AXDND1: variants seen among roughly 807,000 people sequenced by gnomAD.
AXDND1 encodes the protein axonemal dynein light chain domain-containing protein 1.
A neutral mutation model predicts 137.5 loss-of-function variants in AXDND1; 110 were observed. That is an observed-to-expected ratio of 0.80 (90% CI 0.69 to 0.94). AXDND1 has a LOEUF of 0.94. AXDND1 is among the 40% of genes least tolerant of loss of function. The probability of loss-of-function intolerance (pLI) is 0.00; values close to 1 mark genes in which losing one functional copy is unlikely to be tolerated. For synonymous variants in AXDND1, 414 were observed against 399.7 expected (o/e 1.04, Z -0.43); for missense variants, 1,191 against 1,169.8 (o/e 1.02, Z -0.26).
chr1:179,437,069 G>GAAAAAAAAAAAAA (rs35702478), intron 15 of AXDND1, among the ~76,000 whole-genome samples: 1 of 100,806 alleles, frequency 9.9e-6, no homozygotes, highest in Non-Finnish European at 2.0e-5. Context: ...GACACTCACT[G>GAAAAAAAAAAAAA]AAAAAAAAAA....
chr1:179,371,414 C>T (rs957976369), intron 4 of AXDND1, among the ~76,000 whole-genome samples: 2 of 152,014 alleles, frequency 1.3e-5, no homozygotes, highest in African/African-American at 2.4e-5. Context: ...GGCGACCCAG[C>T]GAGACTCCCT....
chr1:179,382,112 C>T lies in AXDND1; in HGVS notation c.582-588C>T, dbSNP rs190328771. Among the ~76,000 whole-genome samples, 941 of 150,712 alleles carry T rather than the reference C, an allele frequency of 6.2e-3. 11 individuals are homozygous for T. The highest frequency in any genetic ancestry group is 0.022 in the African/African-American group (898 of 41,000). ...TTTTTATTTTTTTGAGACAGAGTCTCGCTCTGTCATGGGTGGAGTGCAGTG... is the reference window on the plus strand; with the variant it reads ...TTTTTATTTTTTTGAGACAGAGTCTTGCTCTGTCATGGGTGGAGTGCAGTG... On this transcript the variant is annotated intron_variant, in intron 6 of 25. Transcript: ENST00000367618.
At chr1:179,438,564 C>T (rs879876082) in intron 15 of AXDND1, among the ~76,000 whole-genome samples, 7 of 152,142 alleles carry the variant, frequency 4.6e-5, no homozygotes, top group African/African-American at 1.4e-4. Flanking sequence ...ATGCTTAAGG[C>T]TCTAGGACAC....
intron 16 of AXDND1, among the ~76,000 whole-genome samples, chr1:179,461,907 CTT>C (rs1465991769): frequency 1.3e-5 from 2 of 152,154 alleles, no homozygotes; most frequent in African/African-American, 2.4e-5. Flanking sequence ...TATCCTGAGA[CTT>C]TGCTGAAGTT....
At chr1:179,388,973 A>ATTTTTTTTTTTTTTTTTTTTTTTTT (rs200417239) in intron 9 of AXDND1, among the ~76,000 whole-genome samples, 1 of 76,532 alleles carries the variant, frequency 1.3e-5, no homozygotes, top group South Asian at 3.8e-4. Context: ...TCATTTTTAG[A>ATTTTTTTTTTTTTTTTTTTTTTTTT]TTCTTTTTTT....
At chr1:179,410,340 C>G (rs1436629298) in intron 11 of AXDND1, among the ~76,000 whole-genome samples, 1 of 152,092 alleles carries the variant, frequency 6.6e-6, no homozygotes, top group Non-Finnish European at 1.5e-5. Context: ...AAGCAATTCT[C>G]CTGCCTCAGC....
At chr1:179,397,373 C>T (rs1651226110) in intron 11 of AXDND1, among the ~76,000 whole-genome samples, 1 of 151,982 alleles carries the variant, frequency 6.6e-6, no homozygotes, top group Non-Finnish European at 1.5e-5. Context: ...TGATGGGCTT[C>T]CTTTTGTAGG....
intron 16 of AXDND1, chr1:179,456,971 C>G: frequency 6.4e-7 from 1 of 1,554,860 alleles, no homozygotes; most frequent in Non-Finnish European, 8.8e-7. Context: ...AAAATAATCT[C>G]TTAGGTGATG....
At chr1:179,520,703 A>G (rs1037220595) in intron 21 of AXDND1, among the ~76,000 whole-genome samples, 1 of 151,884 alleles carries the variant, frequency 6.6e-6, no homozygotes, top group Non-Finnish European at 1.5e-5. Context: ...ATCCAAGAAT[A>G]TGGAATATAG....
chr1:179,537,491 A>G (rs1671667194), intron 25 of AXDND1, among the ~76,000 whole-genome samples: 1 of 152,178 alleles, frequency 6.6e-6, no homozygotes, highest in Admixed American at 6.5e-5. Flanking sequence ...TTGATGGATT[A>G]CGTTTATTGA....
At position 179,482,996 on chromosome 1, in the gene AXDND1, C is replaced by G. The variant is rs1398395681; in HGVS notation, c.1998-132C>G. On this transcript the variant is annotated intron_variant, in intron 17 of 25. Transcript: ENST00000367618. ...AATTCAGGGCTTTGATTCCCCTTTC[C>G]TCAGTTCTCAAGCAGTTGTCAACAT... The G allele has an allele frequency of 2.9e-5, 15 of 523,860 alleles. No individual in the cohort carries two copies. In the Admixed American group the frequency reaches 5.8e-4, roughly 20 times the overall value. 32.5% of individuals were successfully genotyped at this position (523,860 alleles called of 1,614,324 possible).
chr1:179,537,939 G>C (rs1009175632), intron 25 of AXDND1, among the ~76,000 whole-genome samples: 1 of 152,100 alleles, frequency 6.6e-6, no homozygotes, highest in Non-Finnish European at 1.5e-5. Context: ...ATGTGTCCAG[G>C]AATTTATCCA....
intron 11 of AXDND1, among the ~76,000 whole-genome samples, chr1:179,405,689 A>G (rs1380202616): frequency 6.7e-6 from 1 of 149,764 alleles, no homozygotes; most frequent in African/African-American, 2.4e-5. Flanking sequence ...ATTATATTTC[A>G]GTGGTATCAG....
chr1:179,506,273 A>C (rs1341669331), intron 20 of AXDND1, among the ~76,000 whole-genome samples: 1 of 152,152 alleles, frequency 6.6e-6, no homozygotes, highest in Non-Finnish European at 1.5e-5. Flanking sequence ...AGGGCCTCTG[A>C]GATATCCTTC....
intron 20 of AXDND1, among the ~76,000 whole-genome samples, chr1:179,493,409 T>G (rs973750422): frequency 4.6e-5 from 7 of 152,364 alleles, no homozygotes; most frequent in African/African-American, 1.7e-4. Flanking sequence ...TCTGTTGTTA[T>G]GCATTTGAAT....
At chr1:179,425,806 G>C (rs1274721821) in intron 12 of AXDND1, among the ~76,000 whole-genome samples, 3 of 150,062 alleles carry the variant, frequency 2.0e-5, no homozygotes, top group Middle Eastern at 3.4e-3. Context: ...GTGTGTGTGT[G>C]TGTGTGTAAA....
intron 9 of AXDND1, 81 bp from the exon 10 acceptor site, chr1:179,393,822 T>C (rs1650581092): frequency 6.8e-6 from 9 of 1,315,792 alleles, no homozygotes; most frequent in Non-Finnish European, 9.2e-6. Flanking sequence ...GCTACTGATT[T>C]GTGTACATTG....
At chr1:179,470,303 T>C (rs1218284900) in intron 17 of AXDND1, among the ~76,000 whole-genome samples, 1 of 152,166 alleles carries the variant, frequency 6.6e-6, no homozygotes, top group Admixed American at 6.5e-5. Flanking sequence ...TCTGGGTACC[T>C]TGCAATTCCG....
chr1:179,494,888 G>A (rs535654076), intron 20 of AXDND1, among the ~76,000 whole-genome samples: 2 of 152,230 alleles, frequency 1.3e-5, no homozygotes, highest in Admixed American at 6.5e-5. Flanking sequence ...TAAAAATATG[G>A]TGCTGGGGTT....
Sources: gnomAD v4.1 joint callset for allele counts (sites outside exome capture counted in the v4.1 genomes callset) on GRCh38, gnomAD v4.1.1 for gene constraint, MANE v1.5 for transcripts, NCBI Gene and HGNC (gene_info 2026-07-23, HGNC 2026-07-21) for gene names.